BMS1: variants seen among roughly 807,000 people sequenced by gnomAD.
BMS1 encodes ribosome biogenesis protein BMS1 homolog.
In BMS1, 53 loss-of-function variants were observed where a neutral mutation model predicts 138.7. That is an observed-to-expected ratio of 0.38 (90% CI 0.31 to 0.48). BMS1 has a LOEUF of 0.48. BMS1 is among the 20% of genes least tolerant of loss of function. The probability of loss-of-function intolerance (pLI) is 0.97; values close to 1 mark genes in which losing one functional copy is unlikely to be tolerated. For missense variants in BMS1, 1,360 were observed against 1,565.5 expected (o/e 0.87, Z 2.22); for synonymous variants, 504 against 539.9 (o/e 0.93, Z 0.92).
intron 1 of BMS1, among the ~76,000 whole-genome samples, chr10:42,783,763 AATGT>A (rs1456995963): frequency 6.6e-6 from 1 of 152,142 alleles, no homozygotes; most frequent in African/African-American, 2.4e-5. Context: ...CTATTTTTCA[AATGT>A]ATGTAGATAA....
At chr10:42,783,878 T>G (rs1841241583) in intron 1 of BMS1, among the ~76,000 whole-genome samples, 1 of 152,244 alleles carries the variant, frequency 6.6e-6, no homozygotes, top group Non-Finnish European at 1.5e-5. Context: ...TATTAAAATT[T>G]AAGTTTTAGT....
chr10:42,822,195 C>G lies in BMS1; in HGVS notation c.3132+11C>G. On this transcript the variant is annotated intron_variant, in intron 19 of 22. Coordinates refer to ENST00000374518, the MANE Select transcript of BMS1 (RefSeq NM_014753.4). The stretch of plus-strand genomic sequence containing the variant: ...ACTTCATTTATTAAGGTCTGTATAT[C>G]TATATATTCTCATATTTATAAATGT... 1 of 1,252,402 alleles carries G rather than the reference C, an allele frequency of 8.0e-7. No homozygotes were observed. The highest frequency in any genetic ancestry group is 1.1e-6 in the Non-Finnish European group (1 of 887,772). The allele number at this position is 1,252,402 out of a possible 1,614,324, so 77.6% of individuals were successfully genotyped here. A position where few individuals can be genotyped will look rare whatever the true frequency, so the allele number is the denominator to read the frequency against.
At chr10:42,786,660 A>G (rs1841339973) in intron 3 of BMS1, among the ~76,000 whole-genome samples, 1 of 151,494 alleles carries the variant, frequency 6.6e-6, no homozygotes, top group African/African-American at 2.4e-5. Flanking sequence ...TCCTGGGCTC[A>G]AGGGATCCGC....
chr10:42,802,601 A>T (rs1353787105), intron 13 of BMS1, among the ~76,000 whole-genome samples: 1 of 151,992 alleles, frequency 6.6e-6, no homozygotes, highest in African/African-American at 2.4e-5. Context: ...ACCAACCCAT[A>T]AAAAAACCTT....
At chr10:42,812,062 C>G (rs1289884893) in intron 13 of BMS1, among the ~76,000 whole-genome samples, 3 of 152,146 alleles carry the variant, frequency 2.0e-5, no homozygotes, top group Admixed American at 6.5e-5. Flanking sequence ...TTTCTATTGA[C>G]TTTAAAAATG....
At chr10:42,800,435 C>G (rs1459203364) in intron 12 of BMS1, among the ~76,000 whole-genome samples, 1 of 151,542 alleles carries the variant, frequency 6.6e-6, no homozygotes, top group Non-Finnish European at 1.5e-5. Context: ...AATCATTTCT[C>G]TTTATGTATT....
Position 42,823,203 on chromosome 10 carries a change from A to T in BMS1, c.3218A>T (p.Lys1073Ile). 6.2e-7 allele frequency: 1 copy of T among 1,607,268 alleles called. No individual in the cohort carries two copies. The highest frequency in any genetic ancestry group is 1.1e-5 in the South Asian group (1 of 90,030). Residue 1073 changes from lysine (K) to isoleucine (I), a missense_variant, in exon 20 of 23, where the codon AAA (lysine) becomes ATA (isoleucine). Coordinates refer to ENST00000374518, the MANE Select transcript of BMS1 (RefSeq NM_014753.4). ...AGTGGGATAAGGGGGCAGATCAAGA[A>T]AGCACTCCGAGCTCCAGAAGGAGCT... Reference protein sequence around the residue: ...TVSGIRGQIKKALRAPEGAFR... With the variant: ...TVSGIRGQIKIALRAPEGAFR...
At chr10:42,801,733 T>G (rs991249667) in intron 12 of BMS1, among the ~76,000 whole-genome samples, 4 of 152,246 alleles carry the variant, frequency 2.6e-5, no homozygotes, top group Admixed American at 1.3e-4. Flanking sequence ...ATCAGGTACA[T>G]AATTTGCAGA....
rs188870948 is a variant in BMS1 at position 42,788,941 on chromosome 10, A to G, written c.448-1382A>G. 3.3e-5 allele frequency among the ~76,000 whole-genome samples: 5 copies of G among 152,290 alleles called. No individual in the cohort carries two copies. The East Asian group carries it at 9.6e-4, about 29-fold the overall frequency. ...TAATGTATTTTGGAGGTATATAATC[A>G]GTAAGTACTGCAGCTCTGTCTCCTT... On this transcript the variant is annotated intron_variant, in intron 4 of 22. Transcript: ENST00000374518.
At chr10:42,812,895 C>T (rs1842230864) in intron 13 of BMS1, among the ~76,000 whole-genome samples, 1 of 152,188 alleles carries the variant, frequency 6.6e-6, no homozygotes, top group Non-Finnish European at 1.5e-5. Flanking sequence ...AAGAACTAGC[C>T]AGGTGGGGAG....
At chr10:42,792,344 A>T in intron 6 of BMS1, 149 bp from the exon 7 acceptor site, 1 of 1,043,104 alleles carries the variant, frequency 9.6e-7, no homozygotes, top group African/African-American at 1.6e-5. Flanking sequence ...CCTCTGGTGG[A>T]TGGTGAATGG....
At chr10:42,817,755 T>C (rs1251121378) in intron 15 of BMS1, among the ~76,000 whole-genome samples, 3 of 152,216 alleles carry the variant, frequency 2.0e-5, no homozygotes, top group East Asian at 3.8e-4. Context: ...GACTGAGACA[T>C]GGTCTCTACT....
chr10:42,813,952 GT>G (rs1350392891), intron 13 of BMS1, among the ~76,000 whole-genome samples: 1 of 151,890 alleles, frequency 6.6e-6, no homozygotes, highest in South Asian at 2.1e-4. Flanking sequence ...TCTTTGGTTG[GT>G]TTTTTTTAAG....
chr10:42,792,090 G>A (rs1049446779), intron 6 of BMS1, among the ~76,000 whole-genome samples: 5 of 152,114 alleles, frequency 3.3e-5, no homozygotes, highest in Non-Finnish European at 5.9e-5. Context: ...TGTGCCTTCT[G>A]TTTCCTTCCT....
At chr10:42,800,569 C>A (rs1197648435) in intron 12 of BMS1, among the ~76,000 whole-genome samples, 1 of 149,876 alleles carries the variant, frequency 6.7e-6, no homozygotes, top group Non-Finnish European at 1.5e-5. Flanking sequence ...CTCTGTCGCC[C>A]AGGCTGGAGT....
intron 13 of BMS1, among the ~76,000 whole-genome samples, chr10:42,808,848 A>G (rs77408215): frequency 0.065 from 9,816 of 152,166 alleles, 456 homozygotes; most frequent in Non-Finnish European, 0.092. Flanking sequence ...CTTGTGTTCT[A>G]TTGACTTCAC....
intron 6 of BMS1, among the ~76,000 whole-genome samples, chr10:42,792,287 G>A (rs1174251588): frequency 6.6e-6 from 1 of 152,192 alleles, no homozygotes; most frequent in East Asian, 1.9e-4. Flanking sequence ...CTTATGGAAT[G>A]AATATCACTT....
chr10:42,813,921 G>A (rs1312488916), intron 13 of BMS1, among the ~76,000 whole-genome samples: 2 of 151,864 alleles, frequency 1.3e-5, no homozygotes, highest in Non-Finnish European at 2.9e-5. Flanking sequence ...TTTGTTTGTT[G>A]GTTTGGTTTT....
intron 17 of BMS1, 27 bp downstream of exon 17, chr10:42,820,715 T>C: frequency 6.2e-7 from 1 of 1,605,534 alleles, no homozygotes. Flanking sequence ...ATAACTTGCC[T>C]GTTGCCAAGA....
Sources: gnomAD v4.1 joint callset for allele counts (sites outside exome capture counted in the v4.1 genomes callset) on GRCh38, gnomAD v4.1.1 for gene constraint, MANE v1.5 for transcripts, NCBI Gene and HGNC (gene_info 2026-07-23, HGNC 2026-07-21) for gene names.